Variants in SRPX2 observed in about 807,000 individuals in gnomAD.
The protein encoded by SRPX2 is sushi repeat-containing protein SRPX2.
Under a neutral mutation model 45.3 loss-of-function variants are expected in SRPX2, and 26 were observed. The ratio of observed to expected loss-of-function variants is 0.57; its 90% CI spans 0.42 to 0.80. The LOEUF (loss-of-function observed/expected upper bound fraction) is 0.80. Ranked by LOEUF, SRPX2 falls within the 30% of genes least tolerant of loss-of-function variation. The pLI, the probability that SRPX2 is intolerant of heterozygous loss-of-function variation, is 0.00. For missense variants in SRPX2, 355 were observed against 399.8 expected (o/e 0.89, Z 0.95); for synonymous variants, 125 against 143.7 (o/e 0.87, Z 0.93).
In SRPX2 at chrX:100,664,833, G is replaced by A; in HGVS notation, c.415G>A (p.Val139Met). The A allele has an allele frequency of 8.3e-7, 1 of 1,209,220 alleles. No homozygotes were observed. Among genetic ancestry groups the A allele is most frequent in the Non-Finnish European group, 1.1e-6 (1 of 894,350 alleles). The part of the protein sequence containing the change: ...TSGTYTCTNG[V>M]LLDSRCDYSC... Reference sequence around the variant, plus strand: ...TGGCACTTACACCTGCACAAATGGAGTGCTTCTTGACTCTCGCTGTGACTA... The same window carrying A: ...TGGCACTTACACCTGCACAAATGGAATGCTTCTTGACTCTCGCTGTGACTA... Residue 139 changes from valine (V) to methionine (M), a missense_variant, in exon 5 of 11, where the codon GTG becomes ATG. Transcript: ENST00000373004.
Position 100,662,361 on chromosome X carries a change from T to A in SRPX2, c.349T>A (p.Cys117Ser). Residue 117 changes from cysteine (C) to serine (S), a missense_variant, in exon 4 of 11, where the codon TGC becomes AGC. By Grantham distance (112) the Cys-to-Ser change is moderately radical. Coordinates refer to ENST00000373004, the MANE Select transcript of SRPX2 (RefSeq NM_014467.3). ...CCGTCGTTGGTCTGGAACTGCCTAC[T>A]GCAGGCGTAAGTTGTGTGTGTGCAT... ...PSRRWSGTAY[C>S]RQMRCHALPF... 8.3e-7 allele frequency: 1 copy of A among 1,211,485 alleles called. No individual in the cohort carries two copies. Among genetic ancestry groups the A allele is most frequent in the Non-Finnish European group, 1.1e-6 (1 of 895,617 alleles).
At position 100,675,782 on chromosome X, in the gene SRPX2, A is replaced by T. The variant is rs2083264733; in HGVS notation, c.*4795A>T. 3 of 296,329 alleles carry T rather than the reference A, an allele frequency of 1.0e-5. No individual in the cohort carries two copies. The highest frequency in any genetic ancestry group is 1.8e-5 in the Non-Finnish European group (3 of 169,961). The allele number at this position is 296,329 out of a possible 1,213,427, so 24.4% of individuals were successfully genotyped here. ...ACTCTGAAAATAAACTAGATTATACACAGAAACATTTTAAAGAAATGCTTA... is the reference window on the plus strand; with the variant it reads ...ACTCTGAAAATAAACTAGATTATACTCAGAAACATTTTAAAGAAATGCTTA... On this transcript the variant is annotated 3_prime_UTR_variant, in exon 11 of 11. Transcript: ENST00000373004.
chrX:100,646,659 G>A (rs1200404908), intron 2 of SRPX2, among the ~76,000 whole-genome samples: 2 of 111,748 alleles, frequency 1.8e-5, no homozygotes, highest in Non-Finnish European at 3.8e-5. Context: ...TCACCTTTGA[G>A]GCCATTGTCT....
At chrX:100,661,635 T>C (rs964744995) in intron 3 of SRPX2, among the ~76,000 whole-genome samples, 3 of 111,709 alleles carry the variant, frequency 2.7e-5, no homozygotes, top group African/African-American at 6.5e-5. Context: ...CCAGGCATGA[T>C]GGCAGGCGCC....
In SRPX2 at chrX:100,674,032, T is replaced by C. The variant is rs1476520911; in HGVS notation, c.*3045T>C. On this transcript the variant is annotated 3_prime_UTR_variant, in exon 11 of 11. Coordinates refer to ENST00000373004, the MANE Select transcript of SRPX2 (RefSeq NM_014467.3). ...GAGCTGGGTTACTTGGCACCTGTGT[T>C]ATTTCTCTCTCAAAACTACATAATG... 7 of 112,142 alleles carry C rather than the reference T, an allele frequency of 6.2e-5. No homozygotes were observed. The highest frequency in any genetic ancestry group is 9.4e-5 in the Non-Finnish European group (5 of 53,263). The allele number at this position is 112,142 out of a possible 1,213,427, so 9.2% of individuals were successfully genotyped here.
Position 100,655,855 on chromosome X carries a change from GTTTTTT to G in SRPX2, c.163+5010_163+5015del, listed in dbSNP as rs11362126. On this transcript the variant is annotated intron_variant, in intron 3 of 10. Coordinates refer to ENST00000373004, the MANE Select transcript of SRPX2 (RefSeq NM_014467.3). ...GGGTTTTTTTAGGTGGGGTGGGGGA[GTTTTTT>G]TTTTTTTTTTTTTTTTTTTAAGACA... 1.6e-4 allele frequency among the ~76,000 whole-genome samples: 8 copies of G among 50,010 alleles called. No homozygotes were observed. The Admixed American group carries it at 1.9e-3, about 12-fold the overall frequency. The allele number at this position is 50,010 out of a possible 115,157, so 43.4% of individuals were successfully genotyped here.
In SRPX2 at chrX:100,671,109, G is replaced by C. The variant is rs1020767324; in HGVS notation, c.*122G>C. On this transcript the variant is annotated 3_prime_UTR_variant, in exon 11 of 11. Transcript: ENST00000373004. ...AGGGACAGGACTCTGAGGTGGGTGA[G>C]TTTGACAAATCCTGCGGTGTTTCCA... is the stretch of plus-strand genomic sequence containing the variant. The C allele has an allele frequency of 1.2e-6, 1 of 818,258 alleles. No homozygotes were observed. The highest frequency in any genetic ancestry group is 2.0e-5 in the African/African-American group (1 of 49,620). 67.4% of individuals were successfully genotyped at this position (818,258 alleles called of 1,213,427 possible).
At chrX:100,662,440 G>A in intron 4 of SRPX2, 73 bp downstream of exon 4, 2 of 1,111,978 alleles carry the variant, frequency 1.8e-6, no homozygotes, top group Non-Finnish European at 2.5e-6. Flanking sequence ...GAGGGTATAT[G>A]CCCGGAGGTG....
chrX:100,661,697 G>C (rs755467771), intron 3 of SRPX2, among the ~76,000 whole-genome samples: 38 of 112,306 alleles, frequency 3.4e-4, no homozygotes, highest in African/African-American at 1.2e-3. Flanking sequence ...GTGAACGTGG[G>C]AGGCGGAGCT....
chrX:100,664,713 C>T (rs962642655), intron 4 of SRPX2, 61 bp from the exon 5 acceptor site: 1 of 1,091,747 alleles, frequency 9.2e-7, no homozygotes. Flanking sequence ...TGCTAGATGC[C>T]CAGGCATCAC....
rs140612294 is a variant in SRPX2, at chrX:100,674,490, G to C, written c.*3503G>C. 1 of 112,382 alleles carries C rather than the reference G, an allele frequency of 8.9e-6. No individual in the cohort carries two copies. The highest frequency in any genetic ancestry group is 3.2e-5 in the African/African-American group (1 of 30,829). The allele number at this position is 112,382 out of a possible 1,213,427, so 9.3% of individuals were successfully genotyped here. ...ATTTATAGAACTAACAAACACAAACGTTTGACAAGTGAGAAAGCTTTATTA... is the reference window on the plus strand; with the variant it reads ...ATTTATAGAACTAACAAACACAAACCTTTGACAAGTGAGAAAGCTTTATTA... On this transcript the variant is annotated 3_prime_UTR_variant, in exon 11 of 11. Coordinates refer to ENST00000373004, the MANE Select transcript of SRPX2 (RefSeq NM_014467.3).
At chrX:100,650,995 G>C in intron 3 of SRPX2, 130 bp downstream of exon 3, 1 of 517,910 alleles carries the variant, frequency 1.9e-6, no homozygotes, top group Admixed American at 3.1e-5. Context: ...CAGGGGCTGT[G>C]ATTTCTCATC....
intron 3 of SRPX2, among the ~76,000 whole-genome samples, chrX:100,656,542 A>G (rs2083169916): frequency 9.0e-6 from 1 of 111,374 alleles, no homozygotes; most frequent in South Asian, 3.8e-4. Flanking sequence ...ACTTTTTAGC[A>G]CCCACAATTA....
At position 100,667,129 on chromosome X, in the gene SRPX2, G is replaced by A. The variant is rs1051220926; in HGVS notation, c.962-145G>A. ...GAAGAAGGGTTTAAAATCTCTAAGT[G>A]TTCTTTTAGGATTTCCCCCAAGGGA... On this transcript the variant is annotated intron_variant, in intron 8 of 10. Transcript: ENST00000373004. 3 of 1,043,410 alleles carry A rather than the reference G, an allele frequency of 2.9e-6. No homozygotes were observed. In the African/African-American group the frequency reaches 5.6e-5, roughly 19 times the overall value. The allele number at this position is 1,043,410 out of a possible 1,213,427, so 86.0% of individuals were successfully genotyped here. A position where few individuals can be genotyped will look rare whatever the true frequency, so the allele number is the denominator to read the frequency against.
At chrX:100,668,344 A>AAG (rs2083211760) in intron 9 of SRPX2, among the ~76,000 whole-genome samples, 1 of 1,711 alleles carries the variant, frequency 5.8e-4, no homozygotes, top group Non-Finnish European at 0.012. Context: ...AAAAAAAAAG[A>AAG]AAAAAAAAAA....
rs1339658955 is a variant in SRPX2 at position 100,664,999 on chromosome X, C to T, written c.532+49C>T. On this transcript the variant is annotated intron_variant, in intron 5 of 10. Transcript: ENST00000373004. ...GTCCTGGTGCAAAGAGCCACCCCAGCATTATATCGACAAAAGATGTGGAAT... is the reference window on the plus strand; with the variant it reads ...GTCCTGGTGCAAAGAGCCACCCCAGTATTATATCGACAAAAGATGTGGAAT... 7.6e-6 allele frequency: 9 copies of T among 1,177,322 alleles called. No individual in the cohort carries two copies. The South Asian group carries it at 1.1e-4, about 14-fold the overall frequency.
chrX:100,673,455 C>T lies in SRPX2; in HGVS notation c.*2468C>T, dbSNP rs1431406212. ...CAGCAGAATATGACCCACAGCCAGA[C>T]CCAAAGGGGCTAGCCCGACCCCTGT... On this transcript the variant is annotated 3_prime_UTR_variant, in exon 11 of 11. Transcript: ENST00000373004. 1 of 110,873 alleles carries T rather than the reference C, an allele frequency of 9.0e-6. No individual in the cohort carries two copies. Among genetic ancestry groups the T allele is most frequent in the Non-Finnish European group, 1.9e-5 (1 of 52,950 alleles). 9.1% of individuals were successfully genotyped at this position (110,873 alleles called of 1,213,427 possible).
rs1034002190 is a variant in SRPX2 at position 100,675,406 on chromosome X, G to A, written c.*4419G>A. Reference sequence around the variant, plus strand: ...GAACTGGAAAAAGCTTGGGAATTCTGTTAGCATTTCAAAGAAAAGCATTAG... The same window carrying A: ...GAACTGGAAAAAGCTTGGGAATTCTATTAGCATTTCAAAGAAAAGCATTAG... On this transcript the variant is annotated 3_prime_UTR_variant, in exon 11 of 11. Coordinates refer to ENST00000373004, the MANE Select transcript of SRPX2 (RefSeq NM_014467.3). 4.4e-5 allele frequency: 5 copies of A among 112,937 alleles called. No individual in the cohort carries two copies. The highest frequency in any genetic ancestry group is 1.3e-4 in the African/African-American group (4 of 31,028). 9.3% of individuals were successfully genotyped at this position (112,937 alleles called of 1,213,427 possible).
intron 10 of SRPX2, 53 bp downstream of exon 10, chrX:100,669,422 G>GCCCC: frequency 3.1e-6 from 1 of 319,099 alleles, no homozygotes; most frequent in Non-Finnish European, 6.2e-6. Context: ...GGGGCGGGGG[G>GCCCC]AGAAACCCTA....
Sources: allele counts gnomAD v4.1 joint callset (sites outside exome capture counted in the v4.1 genomes callset), GRCh38; gene constraint gnomAD v4.1.1; transcripts MANE v1.5; gene names NCBI Gene and HGNC (gene_info 2026-07-23, HGNC 2026-07-21).